The following STPG2 variants were observed in gnomAD, a reference collection of about 807,000 sequenced individuals.
The protein encoded by STPG2 is sperm tail PG-rich repeat containing 2.
STPG2 carries 56 observed loss-of-function variants against 54.2 expected under a neutral mutation model. That is an observed-to-expected ratio of 1.03 (90% CI 0.83 to 1.29). The LOEUF (loss-of-function observed/expected upper bound fraction) is 1.29, where lower values mean the gene tolerates loss of function less well. Ranked by LOEUF, STPG2 falls within the 50% of genes most tolerant of loss-of-function variation. The pLI, the probability that STPG2 is intolerant of heterozygous loss-of-function variation, is 0.00. For synonymous variants in STPG2, 200 were observed against 181.8 expected (o/e 1.10, Z -0.81); for missense variants, 596 against 544.9 (o/e 1.09, Z -0.93).
At chr4:97,617,017 GTTAGT>G (rs1733890916) in intron 10 of STPG2, among the ~76,000 whole-genome samples, 1 of 152,030 alleles carries the variant, frequency 6.6e-6, no homozygotes, top group Admixed American at 6.6e-5. Flanking sequence ...GTCCCAGTAT[GTTAGT>G]TTATAAAGCT....
intron 4 of STPG2, among the ~76,000 whole-genome samples, chr4:97,463,087 T>A (rs145878176): frequency 6.6e-6 from 1 of 152,188 alleles, no homozygotes; most frequent in Non-Finnish European, 1.5e-5. Flanking sequence ...TTATTCTGTA[T>A]GCAAATGTGG....
chr4:97,643,505 T>C (rs1429653209), intron 10 of STPG2, among the ~76,000 whole-genome samples: 1 of 151,752 alleles, frequency 6.6e-6, no homozygotes, highest in Non-Finnish European at 1.5e-5. Flanking sequence ...AATAGTTTTA[T>C]TTCATTTATT....
intron 10 of STPG2, among the ~76,000 whole-genome samples, chr4:97,680,398 G>T (rs558350928): frequency 6.6e-6 from 1 of 152,070 alleles, no homozygotes; most frequent in Non-Finnish European, 1.5e-5. Context: ...AATTGTGAAT[G>T]GGAGTTCACT....
At chr4:97,605,489 C>T (rs1177504371) in intron 10 of STPG2, among the ~76,000 whole-genome samples, 1 of 151,580 alleles carries the variant, frequency 6.6e-6, no homozygotes, top group Non-Finnish European at 1.5e-5. Flanking sequence ...GACTAAGATC[C>T]AGTTCATGGT....
At chr4:97,500,820 A>G (rs1730708732) in intron 4 of STPG2, among the ~76,000 whole-genome samples, 1 of 152,180 alleles carries the variant, frequency 6.6e-6, no homozygotes, top group African/African-American at 2.4e-5. Context: ...AGTGGTTTCT[A>G]TGTAACGTAA....
intron 10 of STPG2, among the ~76,000 whole-genome samples, chr4:97,600,713 G>T (rs1055011255): frequency 6.6e-5 from 10 of 152,094 alleles, no homozygotes; most frequent in African/African-American, 2.4e-4. Context: ...TATAGCACAG[G>T]CTATGCATAT....
At chr4:97,934,176 T>C (rs1177098250) in intron 8 of STPG2, among the ~76,000 whole-genome samples, 1 of 152,188 alleles carries the variant, frequency 6.6e-6, no homozygotes, top group Non-Finnish European at 1.5e-5. Context: ...CTATTGTTGG[T>C]GTATAGGAAT....
chr4:97,942,428 A>C (rs1733022478), intron 8 of STPG2, among the ~76,000 whole-genome samples: 1 of 152,102 alleles, frequency 6.6e-6, no homozygotes, highest in South Asian at 2.1e-4. Context: ...TTAAAACAGC[A>C]CTATTAGTTA....
chr4:97,503,507 T>C (rs1384430060), intron 4 of STPG2, among the ~76,000 whole-genome samples: 1 of 151,780 alleles, frequency 6.6e-6, no homozygotes, highest in Non-Finnish European at 1.5e-5. Flanking sequence ...TTTAGTATTT[T>C]TTTTTTCTTG....
intron 8 of STPG2, among the ~76,000 whole-genome samples, chr4:97,854,101 T>A (rs981567620): frequency 9.9e-5 from 15 of 152,156 alleles, no homozygotes; most frequent in Non-Finnish European, 1.9e-4. Flanking sequence ...GCTGGGATTA[T>A]AGGCATGAGC....
At chr4:97,909,334 A>G (rs184275443) in intron 8 of STPG2, among the ~76,000 whole-genome samples, 29 of 152,290 alleles carry the variant, frequency 1.9e-4, no homozygotes, top group African/African-American at 2.6e-4. Flanking sequence ...ACCAAATTTA[A>G]TCTGTTATTA....
At chr4:97,863,306 A>G (rs1360025464) in intron 8 of STPG2, among the ~76,000 whole-genome samples, 1 of 152,204 alleles carries the variant, frequency 6.6e-6, no homozygotes, top group African/African-American at 2.4e-5. Context: ...CCATCAGAGA[A>G]TACTATAAAC....
chr4:98,004,985 C>G (rs1371830986), intron 5 of STPG2, among the ~76,000 whole-genome samples: 1 of 115,574 alleles, frequency 8.7e-6, no homozygotes, highest in Non-Finnish European at 1.9e-5. Context: ...AAAAAAAAAG[C>G]TTTTTAGTTT....
intron 8 of STPG2, among the ~76,000 whole-genome samples, chr4:97,941,615 G>T (rs1377167469): frequency 1.3e-5 from 2 of 151,916 alleles, no homozygotes; most frequent in Non-Finnish European, 2.9e-5. Flanking sequence ...TATTTTTTAT[G>T]CAAAGATACA....
chr4:98,012,832 A>G (rs546982646), intron 5 of STPG2, among the ~76,000 whole-genome samples: 37 of 152,328 alleles, frequency 2.4e-4, no homozygotes, highest in African/African-American at 8.9e-4. Flanking sequence ...GTTGCTTATC[A>G]GCTTAAGGAG....
At chr4:97,653,626 G>GA (rs1560704669) in intron 10 of STPG2, among the ~76,000 whole-genome samples, 1 of 152,014 alleles carries the variant, frequency 6.6e-6, no homozygotes, top group African/African-American at 2.4e-5. Context: ...CACTACTTTT[G>GA]AAAAAGGACA....
intron 4 of STPG2, among the ~76,000 whole-genome samples, chr4:98,107,609 A>C (rs1739223465): frequency 6.6e-6 from 1 of 152,092 alleles, no homozygotes; most frequent in Non-Finnish European, 1.5e-5. Flanking sequence ...CACCAAGCAG[A>C]ATCAGTTAAC....
At chr4:97,870,561 A>G (rs1020396654) in intron 8 of STPG2, among the ~76,000 whole-genome samples, 6 of 151,396 alleles carry the variant, frequency 4.0e-5, no homozygotes, top group African/African-American at 1.5e-4. Context: ...AATTCAATCC[A>G]AAAAGTATTA....
intron 4 of STPG2, among the ~76,000 whole-genome samples, chr4:97,464,799 T>C (rs1039988666): frequency 3.3e-5 from 5 of 152,208 alleles, no homozygotes; most frequent in Admixed American, 2.0e-4. Context: ...GCAAGAAATC[T>C]AAATGTATTC....
Sources: gnomAD v4.1 joint callset for allele counts (sites outside exome capture counted in the v4.1 genomes callset) on GRCh38, gnomAD v4.1.1 for gene constraint, MANE v1.5 for transcripts, NCBI Gene and HGNC (gene_info 2026-07-23, HGNC 2026-07-21) for gene names.